Variants in ABCA6 observed in about 807,000 individuals in gnomAD.
ABCA6 encodes the protein ATP binding cassette subfamily A member 6.
In ABCA6, 164 loss-of-function variants were observed where a neutral mutation model predicts 191.2. The observed-to-expected ratio is 0.86, with a 90% confidence interval of 0.76 to 0.98. The LOEUF (loss-of-function observed/expected upper bound fraction) is 0.98, where lower values mean the gene tolerates loss of function less well. Among genes scored for constraint, ABCA6 ranks in the 50% least tolerant of loss-of-function variants. The pLI, the probability that ABCA6 is intolerant of heterozygous loss-of-function variation, is 0.00. For missense variants in ABCA6, 1,958 were observed against 1,894.1 expected (o/e 1.03, Z -0.63); for synonymous variants, 636 against 647.7 (o/e 0.98, Z 0.27).
chr17:69,080,892 G>A (rs540997809), intron 37 of ABCA6, among the ~76,000 whole-genome samples, 174 bp downstream of exon 37: 1 of 152,280 alleles, frequency 6.6e-6, no homozygotes, highest in African/African-American at 2.4e-5. Context: ...TTTTCACAGA[G>A]TCAGAGTAAC....
rs995414636 is a variant in ABCA6 at position 69,137,609 on chromosome 17, A to G, written c.97-109T>C. 16 of 986,542 alleles carry G rather than the reference A, an allele frequency of 1.6e-5. 1 individual carries two copies. The highest frequency in any genetic ancestry group is 2.2e-5 in the Non-Finnish European group (15 of 680,626). 61.1% of individuals were successfully genotyped at this position (986,542 alleles called of 1,614,324 possible). The stretch of plus-strand genomic sequence containing the variant: ...CAAATTCCAATTGTGCTATACAGTT[A>G]TGTTCTCTCTGCTCTCCAAGCCTCA... On this transcript the variant is annotated intron_variant, in intron 2 of 38. Transcript: ENST00000284425.
chr17:69,107,086 A>G (rs999906546), intron 18 of ABCA6, among the ~76,000 whole-genome samples: 6 of 152,214 alleles, frequency 3.9e-5, no homozygotes, highest in Non-Finnish European at 7.3e-5. Context: ...AGATCTGTAC[A>G]TGTATCTTAC....
At position 69,137,436 on chromosome 17, in the gene ABCA6, A is replaced by T; in HGVS notation, c.161T>A (p.Val54Asp). The T allele has an allele frequency of 6.2e-7, 1 of 1,613,792 alleles. No individual in the cohort carries two copies. Among genetic ancestry groups the T allele is most frequent in the Non-Finnish European group, 8.5e-7 (1 of 1,179,810 alleles). Residue 54 changes from valine (V) to aspartate (D), a missense_variant, in exon 3 of 39, where the codon GTC becomes GAC. Transcript: ENST00000284425. ...IALFSSSMRN[V>D]QFPGMAPQNL... is the part of the protein sequence containing the mutation. ...CTGAGGAGCCATTCCAGGAAACTGG[A>T]CATTTCTCATGGAACTGGAAAACAG... is the stretch of plus-strand genomic sequence containing the variant.
At chr17:69,083,618 G>A (rs1185854916) in intron 34 of ABCA6, among the ~76,000 whole-genome samples, 1 of 152,182 alleles carries the variant, frequency 6.6e-6, no homozygotes, top group Non-Finnish European at 1.5e-5. Flanking sequence ...GAGAAAGGAA[G>A]TGGGTGGAGA....
chr17:69,129,401 C>A (rs1267345480), intron 7 of ABCA6, among the ~76,000 whole-genome samples: 3 of 152,084 alleles, frequency 2.0e-5, no homozygotes, highest in Non-Finnish European at 1.5e-5. Flanking sequence ...TTAGTTCAGA[C>A]CTTTATGCAA....
In ABCA6 at chr17:69,118,049, A is replaced by C. The variant is rs569472134; in HGVS notation, c.1437-93T>G. The C allele has an allele frequency of 4.5e-5, 36 of 806,662 alleles. No homozygotes were observed. The African/African-American group carries it at 6.1e-4, about 14-fold the overall frequency. The allele number at this position is 806,662 out of a possible 1,614,324, so 50.0% of individuals were successfully genotyped here. A position where few individuals can be genotyped will look rare whatever the true frequency, so the allele number is the denominator to read the frequency against. On this transcript the variant is annotated intron_variant, in intron 10 of 38. Transcript: ENST00000284425. Reference sequence around the variant, plus strand: ...CCTAGTCATAGTGATAACTGCAGCCAACCACTTTATGTGAAATAAGGGATG... The same window carrying C: ...CCTAGTCATAGTGATAACTGCAGCCCACCACTTTATGTGAAATAAGGGATG...
At position 69,084,359 on chromosome 17, in the gene ABCA6, CA is replaced by C. The variant is rs1567994868; in HGVS notation, c.4261-5del. Reference sequence around the variant, plus strand: ...GGAGGCTCAGCACAAAACACAACTGCAATGTAGAAAAACACCCCTGTTTGCT... The same window carrying C: ...GGAGGCTCAGCACAAAACACAACTGCATGTAGAAAAACACCCCTGTTTGCT... On this transcript the variant is annotated splice_polypyrimidine_tract_variant and splice_region_variant and intron_variant, in intron 33 of 38. Coordinates refer to ENST00000284425, the MANE Select transcript of ABCA6 (RefSeq NM_080284.3). 1 of 1,614,134 alleles carries C rather than the reference CA, an allele frequency of 6.2e-7. No homozygotes were observed.
intron 2 of ABCA6, 106 bp from the exon 3 acceptor site, chr17:69,137,606 G>T: frequency 9.7e-7 from 1 of 1,032,262 alleles, no homozygotes; most frequent in Non-Finnish European, 1.4e-6. Context: ...GTGCTATACA[G>T]TTATGTTCTC....
intron 21 of ABCA6, among the ~76,000 whole-genome samples, chr17:69,102,564 T>C (rs1488697257): frequency 6.6e-6 from 1 of 152,208 alleles, no homozygotes; most frequent in East Asian, 1.9e-4. Context: ...ATTATATTGG[T>C]TGATAATTAT....
chr17:69,088,135 A>C (rs2072845800), intron 28 of ABCA6, 32 bp downstream of exon 28: 1 of 1,534,890 alleles, frequency 6.5e-7, no homozygotes, highest in African/African-American at 1.4e-5. Context: ...TTAAAATATG[A>C]TATTAAGTAT....
rs753405366 is a variant in ABCA6 at position 69,082,948 on chromosome 17, A to G, written c.4541T>C (p.Val1514Ala). The G allele has an allele frequency of 5.0e-6, 8 of 1,614,070 alleles. No individual in the cohort carries two copies. In the African/African-American group the frequency reaches 8.0e-5, roughly 16 times the overall value. Reference sequence around the variant, plus strand: ...CAAAGTCACTTGAGACGTTTCCTTCACTTTTAGCTCTAGAATGTAATCCTT... The same window carrying G: ...CAAAGTCACTTGAGACGTTTCCTTCGCTTTTAGCTCTAGAATGTAATCCTT... ...LGKDYILELKVKETSQVTLVH... is the reference protein window; with the variant it reads ...LGKDYILELKAKETSQVTLVH... Residue 1514 changes from valine to alanine, a missense_variant, in exon 36 of 39, where the codon GTG becomes GCG. Transcript: ENST00000284425.
Position 69,102,972 on chromosome 17 carries a change from A to T in ABCA6, c.2741-4T>A. The stretch of plus-strand genomic sequence containing the variant: ...ATAAAATCTTCAATATTTGATTCTA[A>T]TATGAAGTTAATAAGAGAAGGCCAT... On this transcript the variant is annotated splice_polypyrimidine_tract_variant and splice_region_variant and intron_variant, in intron 20 of 38. Transcript: ENST00000284425. The T allele has an allele frequency of 6.7e-7, 1 of 1,487,034 alleles. No individual in the cohort carries two copies. The allele number at this position is 1,487,034 out of a possible 1,614,324, so 92.1% of individuals were successfully genotyped here.
chr17:69,136,069 T>C, intron 4 of ABCA6, 23 bp downstream of exon 4: 1 of 1,598,486 alleles, frequency 6.3e-7, no homozygotes. Flanking sequence ...AATTCCATAA[T>C]GATATTTGAT....
intron 17 of ABCA6, chr17:69,109,884 A>T (rs896930978): frequency 1.3e-5 from 2 of 152,142 alleles, no homozygotes; most frequent in Non-Finnish European, 2.9e-5. Context: ...AAAAGCCATA[A>T]AATGCTTCCT....
At chr17:69,133,441 C>T (rs545966096) in intron 6 of ABCA6, among the ~76,000 whole-genome samples, 200 bp downstream of exon 6, 3 of 152,120 alleles carry the variant, frequency 2.0e-5, no homozygotes, top group African/African-American at 4.8e-5. Flanking sequence ...AAGACATTCA[C>T]GGCACAGAAA....
intron 21 of ABCA6, among the ~76,000 whole-genome samples, chr17:69,101,547 G>C (rs1455013206): frequency 6.7e-6 from 1 of 148,774 alleles, no homozygotes. Flanking sequence ...AGTGAGCTGC[G>C]ATCACACCAC....
At chr17:69,123,467 C>T (rs537248773) in intron 9 of ABCA6, 60 bp from the exon 10 acceptor site, 2 of 1,221,906 alleles carry the variant, frequency 1.6e-6, no homozygotes, top group South Asian at 2.8e-5. Context: ...CGCAAAGAAG[C>T]CTTGCTAACA....
intron 31 of ABCA6, 88 bp downstream of exon 31, chr17:69,085,537 A>AT: frequency 1.3e-6 from 1 of 793,958 alleles, no homozygotes; most frequent in Non-Finnish European, 1.9e-6. Flanking sequence ...AAAAAAAAAG[A>AT]AAAGAAAAAT....
chr17:69,134,528 A>AT, intron 5 of ABCA6, 111 bp downstream of exon 5: 1 of 743,070 alleles, frequency 1.3e-6, no homozygotes, highest in Non-Finnish European at 2.2e-6. Context: ...AATCTCAAGT[A>AT]TTTTGTTGTA....
Sources: gnomAD v4.1 joint callset for allele counts (sites outside exome capture counted in the v4.1 genomes callset) on GRCh38, gnomAD v4.1.1 for gene constraint, MANE v1.5 for transcripts, NCBI Gene and HGNC (gene_info 2026-07-23, HGNC 2026-07-21) for gene names.